Variants in MYO5C observed in about 807,000 individuals in gnomAD.
The protein encoded by MYO5C is myosin VC.
Under a neutral mutation model 235.7 loss-of-function variants are expected in MYO5C, and 194 were observed. The ratio of observed to expected loss-of-function variants is 0.82; its 90% CI spans 0.73 to 0.93. The LOEUF is 0.93. MYO5C is among the 40% of genes least tolerant of loss of function. MYO5C has a pLI of 0.00. For missense variants in MYO5C, 2,038 were observed against 2,127.2 expected, an observed-to-expected ratio of 0.96 and a Z score of 0.82; for synonymous variants, 707 against 754.8, an observed-to-expected ratio of 0.94 and a Z score of 1.04.
intron 38 of MYO5C, among the ~76,000 whole-genome samples, chr15:52,200,383 C>T (rs1285226274): frequency 3.3e-5 from 5 of 152,046 alleles, no homozygotes; most frequent in African/African-American, 1.2e-4. Context: ...GCTTGGCCAA[C>T]ATGGTGAAAC....
At chr15:52,197,011 GT>G (rs1021302427) in intron 38 of MYO5C, among the ~76,000 whole-genome samples, 99 of 152,332 alleles carry the variant, frequency 6.5e-4, no homozygotes, top group African/African-American at 2.2e-3. Context: ...CACAATGAGA[GT>G]GTTGAGAACC....
chr15:52,287,782 G>C (rs993069820), intron 1 of MYO5C, among the ~76,000 whole-genome samples: 2 of 152,102 alleles, frequency 1.3e-5, no homozygotes, highest in African/African-American at 4.8e-5. Flanking sequence ...ATTGAGAATA[G>C]CCTGACCAAC....
intron 13 of MYO5C, 61 bp downstream of exon 13, chr15:52,251,329 C>A: frequency 6.7e-7 from 1 of 1,489,136 alleles, no homozygotes; most frequent in South Asian, 1.4e-5. Flanking sequence ...GGCCTGCCTA[C>A]TCCTTCTGGA....
intron 35 of MYO5C, among the ~76,000 whole-genome samples, chr15:52,210,780 T>C (rs1163447618): frequency 6.6e-6 from 1 of 152,260 alleles, no homozygotes; most frequent in Non-Finnish European, 1.5e-5. Context: ...TTATGGAGTT[T>C]CCAGGAAAAA....
chr15:52,280,476 GAGTATTCT>G (rs2037142984), intron 2 of MYO5C, among the ~76,000 whole-genome samples: 1 of 152,236 alleles, frequency 6.6e-6, no homozygotes, highest in African/African-American at 2.4e-5. Flanking sequence ...TCCAATGTCA[GAGTATTCT>G]AATTCCTACA....
chr15:52,245,439 C>T lies in MYO5C; in HGVS notation c.2093G>A (p.Arg698His), dbSNP rs762771443. Residue 698 changes from arginine to histidine, a missense_variant, in exon 18 of 41, where the codon CGC (arginine) becomes CAC (histidine). Transcript: ENST00000261839. ...TTGCTTGGTCATGAGAATGCCGTAG[C>T]GACTGTAGAACTCGATGTATGTCCA... ...SRWTYIEFYS[R>H]YGILMTKQEL... is the part of the protein sequence containing the mutation. 7 of 1,613,878 alleles carry T rather than the reference C, an allele frequency of 4.3e-6. No individual in the cohort carries two copies. The highest frequency in any genetic ancestry group is 1.7e-5 in the Admixed American group (1 of 59,990).
At chr15:52,222,023 A>C (rs1413814518) in intron 29 of MYO5C, among the ~76,000 whole-genome samples, 3 of 152,216 alleles carry the variant, frequency 2.0e-5, no homozygotes, top group African/African-American at 7.2e-5. Flanking sequence ...TGAGACATTC[A>C]ACACTTTATT....
chr15:52,212,403 C>A (rs2035463365), intron 34 of MYO5C, among the ~76,000 whole-genome samples: 1 of 152,110 alleles, frequency 6.6e-6, no homozygotes, highest in African/African-American at 2.4e-5. Flanking sequence ...GATAAGCAAA[C>A]AAGGATGTCC....
intron 32 of MYO5C, among the ~76,000 whole-genome samples, chr15:52,218,298 T>C (rs2035598581): frequency 6.6e-6 from 1 of 152,100 alleles, no homozygotes; most frequent in Admixed American, 6.6e-5. Flanking sequence ...CACCTCTCTG[T>C]CTCTCCTCCT....
At chr15:52,259,054 G>A (rs1243402279) in intron 10 of MYO5C, among the ~76,000 whole-genome samples, 2 of 152,114 alleles carry the variant, frequency 1.3e-5, no homozygotes, top group Non-Finnish European at 2.9e-5. Flanking sequence ...ACGGTGGCAG[G>A]AGCCGTACAT....
chr15:52,244,667 A>G (rs2036301445), intron 18 of MYO5C, 100 bp from the exon 19 acceptor site: 1 of 795,756 alleles, frequency 1.3e-6, no homozygotes, highest in African/African-American at 1.7e-5. Context: ...TGCCAGAAAT[A>G]TTGTGATTTT....
intron 38 of MYO5C, among the ~76,000 whole-genome samples, chr15:52,199,423 G>A (rs529099372): frequency 1.1e-3 from 174 of 152,248 alleles, no homozygotes; most frequent in Admixed American, 2.1e-3. Flanking sequence ...GAATGCATTC[G>A]GCAGCTATTT....
chr15:52,213,193 A>G lies in MYO5C; in HGVS notation c.4136T>C (p.Ile1379Thr). The part of the protein sequence containing the change: ...EDEAKLIQNL[I>T]LDLKPRGVVV... ...AGAGTTCCAGGTTTCACTACCAAGA[A>G]TGAGGTTCTGAATGAGCTTGGCCTC... is the stretch of plus-strand genomic sequence containing the variant. Residue 1379 changes from isoleucine (I) to threonine (T), a missense_variant, in exon 34 of 41, where the codon ATT (isoleucine) becomes ACT (threonine). Physicochemically the swap from Ile to Thr is moderately conservative, Grantham distance 89 (BLOSUM62 -1). Transcript: ENST00000261839. The G allele has an allele frequency of 5.0e-6, 8 of 1,613,462 alleles. No homozygotes were observed. Among genetic ancestry groups the G allele is most frequent in the Non-Finnish European group, 6.8e-6 (8 of 1,179,392 alleles).
chr15:52,263,802 G>A (rs535622461), intron 9 of MYO5C, among the ~76,000 whole-genome samples: 9 of 152,184 alleles, frequency 5.9e-5, no homozygotes, highest in East Asian at 5.8e-4. Context: ...TGTGCCAGCC[G>A]TCAGCTGCCA....
At chr15:52,226,878 T>C (rs1213363258) in intron 25 of MYO5C, among the ~76,000 whole-genome samples, 1 of 152,200 alleles carries the variant, frequency 6.6e-6, no homozygotes. Context: ...CTGGGCACGG[T>C]GGCTCACGCC....
chr15:52,205,262 G>C, intron 37 of MYO5C, 115 bp from the exon 38 acceptor site: 1 of 1,181,934 alleles, frequency 8.5e-7, no homozygotes, highest in Non-Finnish European at 1.2e-6. Flanking sequence ...GTCAGTGGAT[G>C]TACTTATGAT....
At position 52,218,587 on chromosome 15, in the gene MYO5C, ATTGTT is replaced by A; in HGVS notation, c.3881_3885del (p.Lys1294IlefsTer2). 1 of 1,614,124 alleles carries A rather than the reference ATTGTT, an allele frequency of 6.2e-7. No homozygotes were observed. The highest frequency in any genetic ancestry group is 8.5e-7 in the Non-Finnish European group (1 of 1,180,016). ...CACTTGACTTCACTTTCAGTTTCAA[ATTGTT>A]TCTTCAAGTGGTCACTGGCCTCCTG... On this transcript the variant is annotated frameshift_variant, in exon 32 of 41. Transcript: ENST00000261839. LOFTEE classifies it high-confidence loss of function.
chr15:52,287,573 C>T (rs1426865297), intron 1 of MYO5C, among the ~76,000 whole-genome samples: 1 of 152,112 alleles, frequency 6.6e-6, no homozygotes, highest in Admixed American at 6.5e-5. Context: ...AAGAATTGTA[C>T]ATGAATTACC....
At position 52,248,699 on chromosome 15, in the gene MYO5C, CCTTG is replaced by C; in HGVS notation, c.1743_1746del (p.Lys582PhefsTer21). ...TTAGTTACCCCTAGGACTTTACAGA[CCTTG>C]CTTGCTCTCAGGATTTCAACCAGCA... On this transcript the variant is annotated frameshift_variant and splice_region_variant, in exon 14 of 41. Transcript: ENST00000261839. LOFTEE classifies it high-confidence loss of function. The C allele has an allele frequency of 1.2e-6, 2 of 1,612,362 alleles. No homozygotes were observed. The highest frequency in any genetic ancestry group is 2.2e-5 in the South Asian group (2 of 90,994).
Sources: allele counts gnomAD v4.1 joint callset (sites outside exome capture counted in the v4.1 genomes callset), GRCh38; gene constraint gnomAD v4.1.1; transcripts MANE v1.5; gene names NCBI Gene and HGNC (gene_info 2026-07-23, HGNC 2026-07-21).